The following PDE10A variants were observed in gnomAD, a reference collection of about 807,000 sequenced individuals.
PDE10A encodes the protein phosphodiesterase 10A.
Under a neutral mutation model 97.7 loss-of-function variants are expected in PDE10A, and 39 were observed. That is an observed-to-expected ratio of 0.40 (90% CI 0.31 to 0.52). The LOEUF (loss-of-function observed/expected upper bound fraction) is 0.52. Ranked by LOEUF, PDE10A falls within the 20% of genes least tolerant of loss-of-function variation. PDE10A has a pLI of 0.56. For synonymous variants in PDE10A, 371 were observed against 376.8 expected, an observed-to-expected ratio of 0.98 and a Z score of 0.18; for missense variants, 731 against 1,047.8, an observed-to-expected ratio of 0.70 and a Z score of 4.17.
At chr6:165,578,260 AT>A (rs10716590) in intron 1 of PDE10A, among the ~76,000 whole-genome samples, 145,196 of 150,170 alleles carry the variant, frequency 0.97, 70,375 homozygotes, top group South Asian at 1. Context: ...TTTTGTTTGA[AT>A]TTTTTTTTTT....
At chr6:165,376,950 A>G (rs1308876982) in intron 18 of PDE10A, among the ~76,000 whole-genome samples, 7 of 152,188 alleles carry the variant, frequency 4.6e-5, no homozygotes, top group African/African-American at 1.7e-4. Context: ...TGCCACATGC[A>G]TCCCTACCGT....
chr6:165,858,519 C>T (rs1292102037), intron 1 of PDE10A, among the ~76,000 whole-genome samples: 1 of 152,226 alleles, frequency 6.6e-6, no homozygotes, highest in African/African-American at 2.4e-5. Context: ...TGAACGGTCA[C>T]TGGGGGTGAG....
At chr6:165,379,629 A>C (rs1347697630) in intron 17 of PDE10A, among the ~76,000 whole-genome samples, 1 of 152,146 alleles carries the variant, frequency 6.6e-6, no homozygotes, top group African/African-American at 2.4e-5. Flanking sequence ...CTACCATAAA[A>C]CCCCAGTGAT....
intron 1 of PDE10A, among the ~76,000 whole-genome samples, chr6:165,608,094 G>GTA (rs1172743361): frequency 6.9e-6 from 1 of 144,384 alleles, no homozygotes; most frequent in African/African-American, 2.7e-5. Flanking sequence ...ATATATATGT[G>GTA]CATATATATA....
intron 1 of PDE10A, among the ~76,000 whole-genome samples, chr6:165,607,399 C>T (rs828569): frequency 0.043 from 6,560 of 152,200 alleles, 468 homozygotes; most frequent in African/African-American, 0.15. Flanking sequence ...AACACATTAC[C>T]TTTTTATGTT....
chr6:165,980,046 C>T (rs1459425203), intron 1 of PDE10A, among the ~76,000 whole-genome samples: 1 of 152,198 alleles, frequency 6.6e-6, no homozygotes, highest in African/African-American at 2.4e-5. Flanking sequence ...CCAACATCCA[C>T]CTTAAGCAGA....
chr6:165,405,613 C>T (rs1477204757), intron 13 of PDE10A, among the ~76,000 whole-genome samples: 2 of 152,112 alleles, frequency 1.3e-5, no homozygotes, highest in Non-Finnish European at 2.9e-5. Flanking sequence ...GTATTGTTTC[C>T]GTTTATCTGT....
At chr6:165,893,221 A>G (rs563050674) in intron 1 of PDE10A, among the ~76,000 whole-genome samples, 23 of 152,374 alleles carry the variant, frequency 1.5e-4, no homozygotes, top group Admixed American at 3.3e-4. Flanking sequence ...GGAAATAAGC[A>G]TCGCTACAGC....
At chr6:165,749,467 C>T (rs1466799643) in intron 1 of PDE10A, among the ~76,000 whole-genome samples, 3 of 1,242 alleles carry the variant, frequency 2.4e-3, no homozygotes, top group Non-Finnish European at 5.2e-3. Context: ...CCATCATCAA[C>T]AACACCATCA....
intron 1 of PDE10A, chr6:165,780,253 GC>G (rs879591856): frequency 2.0e-5 from 3 of 152,056 alleles, no homozygotes; most frequent in Non-Finnish European, 2.9e-5. Flanking sequence ...GTTCAAAAAG[GC>G]CAGTCATTTT....
At chr6:165,952,742 T>A (rs900838520) in intron 1 of PDE10A, among the ~76,000 whole-genome samples, 2 of 152,056 alleles carry the variant, frequency 1.3e-5, no homozygotes, top group Non-Finnish European at 2.9e-5. Flanking sequence ...ATCCTCCGCA[T>A]CCTCCAGCTA....
At chr6:165,406,422 T>C (rs1442796824) in intron 13 of PDE10A, among the ~76,000 whole-genome samples, 1 of 152,200 alleles carries the variant, frequency 6.6e-6, no homozygotes, top group African/African-American at 2.4e-5. Flanking sequence ...CATCTATAAT[T>C]ACAAATTTAA....
rs1790243672 is a variant in PDE10A at position 165,661,315 on chromosome 6, G to C, written c.865+632C>G. On this transcript the variant is annotated intron_variant, in intron 1 of 21. Coordinates refer to ENST00000539869, the MANE Select transcript of PDE10A (RefSeq NM_001385079.1). This position sits in a 1 kb window ranked among gnomAD's most constrained non-coding sequence, Gnocchi z 4.8. ...CCCGGGACCAACAGGACGCGGCCCG[G>C]GGTGGGGGTGCGTCCCCTGGGTGGA... is the stretch of plus-strand genomic sequence containing the variant. The C allele has an allele frequency of 6.6e-6, 1 of 152,300 alleles. No individual in the cohort carries two copies. The highest frequency in any genetic ancestry group is 6.5e-5 in the Admixed American group (1 of 15,282). The allele number at this position is 152,300 out of a possible 1,614,324, so 9.4% of individuals were successfully genotyped here. A position where few individuals can be genotyped will look rare whatever the true frequency, so the allele number is the denominator to read the frequency against.
intron 1 of PDE10A, among the ~76,000 whole-genome samples, chr6:165,680,286 C>T (rs561601267): frequency 2.0e-5 from 3 of 152,268 alleles, no homozygotes; most frequent in Admixed American, 2.0e-4. Context: ...GTTGCAGGTT[C>T]TATAATTCAA....
At chr6:165,515,930 A>T (rs1344452329) in intron 2 of PDE10A, among the ~76,000 whole-genome samples, 5 of 152,294 alleles carry the variant, frequency 3.3e-5, no homozygotes, top group African/African-American at 7.2e-5. Context: ...ACTGAACAAG[A>T]TAAAACTGAC....
intron 1 of PDE10A, among the ~76,000 whole-genome samples, chr6:165,589,056 A>G (rs910739298): frequency 2.0e-5 from 3 of 152,206 alleles, no homozygotes; most frequent in Admixed American, 2.0e-4. Context: ...CATATTTAAC[A>G]CAGATTAATA....
chr6:165,827,073 G>A (rs1779780801), intron 1 of PDE10A, among the ~76,000 whole-genome samples: 1 of 152,182 alleles, frequency 6.6e-6, no homozygotes, highest in South Asian at 2.1e-4. Flanking sequence ...GGCCTGCCGG[G>A]TAGGGCACAG....
intron 20 of PDE10A, among the ~76,000 whole-genome samples, chr6:165,337,055 A>G (rs1365041142): frequency 1.3e-5 from 2 of 152,104 alleles, no homozygotes; most frequent in Non-Finnish European, 2.9e-5. Flanking sequence ...TATTTGAACT[A>G]AAATAAATGT....
Position 165,704,944 on chromosome 6 carries a change from C to T in PDE10A, c.-614-161376G>A, listed in dbSNP as rs1791670617. ...CATTCACAGGATAATTTGTACCACA[C>T]TGCCTTCCACATCTTCCCCTGTTGT... On this transcript the variant is annotated intron_variant, in intron 1 of 19. Coordinates refer to the PDE10A transcript ENST00000366882. Among the ~76,000 whole-genome samples, 5 of 152,228 alleles carry T rather than the reference C, an allele frequency of 3.3e-5. No homozygotes were observed. The South Asian group carries it at 1.0e-3, about 32-fold the overall frequency.
Sources: gnomAD v4.1 joint callset for allele counts (sites outside exome capture counted in the v4.1 genomes callset) on GRCh38, gnomAD v4.1.1 for gene constraint, Gnocchi (gnomAD v3.1) non-coding constraint, MANE v1.5 for transcripts, NCBI Gene and HGNC (gene_info 2026-07-23, HGNC 2026-07-21) for gene names.